Variants in PLXDC2 observed in about 807,000 individuals in gnomAD.
PLXDC2 encodes the protein plexin domain containing 2.
PLXDC2 carries 40 observed loss-of-function variants against 68.9 expected under a neutral mutation model. The ratio of observed to expected loss-of-function variants is 0.58; its 90% CI spans 0.45 to 0.76. The LOEUF is 0.76. Ranked by LOEUF, PLXDC2 falls within the 30% of genes least tolerant of loss-of-function variation. PLXDC2 has a pLI of 0.00. For missense variants in PLXDC2, 644 were observed against 661.9 expected (o/e 0.97, Z 0.30); for synonymous variants, 243 against 234.2 (o/e 1.04, Z -0.34).
chr10:20,164,486 C>A lies in PLXDC2; in HGVS notation c.802C>A (p.Gln268Lys). 1 of 1,613,306 alleles carries A rather than the reference C, an allele frequency of 6.2e-7. No individual in the cohort carries two copies. The highest frequency in any genetic ancestry group is 1.3e-5 in the African/African-American group (1 of 75,000). The change falls in exon 7 of 14, where the codon CAG (glutamine) becomes AAG (lysine). Residue 268 changes from glutamine to lysine, a missense_variant. By Grantham distance (53) the Gln-to-Lys change is moderately conservative (BLOSUM62 1). Transcript: ENST00000377252. ...GYKEIPVLVT[Q>K]ISSTNHPVKV... ...TTTCCAGATTCCTGTCTTGGTCACA[C>A]AGATAAGTTCAACCAATCATCCAGT...
intron 13 of PLXDC2, among the ~76,000 whole-genome samples, chr10:20,247,414 C>G (rs1835613574): frequency 6.6e-6 from 1 of 151,902 alleles, no homozygotes; most frequent in African/African-American, 2.4e-5. Flanking sequence ...GAAATCAAAG[C>G]TGCAGGGAAC....
chr10:20,146,215 G>A (rs1487156377), intron 5 of PLXDC2, among the ~76,000 whole-genome samples: 4 of 152,068 alleles, frequency 2.6e-5, no homozygotes, highest in African/African-American at 9.7e-5. Context: ...AGACATGTGT[G>A]AAGGAAAAAG....
intron 13 of PLXDC2, among the ~76,000 whole-genome samples, chr10:20,263,364 G>A (rs1472945434): frequency 1.3e-5 from 2 of 152,088 alleles, no homozygotes; most frequent in African/African-American, 2.4e-5. Flanking sequence ...TACTCAAGAT[G>A]GAGTAAAGAC....
chr10:20,008,892 C>T (rs1040847069), intron 2 of PLXDC2, among the ~76,000 whole-genome samples: 1 of 152,198 alleles, frequency 6.6e-6, no homozygotes, highest in African/African-American at 2.4e-5. Context: ...GCTCCTCCTT[C>T]ACCTTCTGCC....
chr10:19,905,181 A>G (rs1263490830), intron 1 of PLXDC2, among the ~76,000 whole-genome samples: 2 of 152,206 alleles, frequency 1.3e-5, no homozygotes, highest in Non-Finnish European at 2.9e-5. Context: ...AGATGAGCAC[A>G]GTTTACTTTT....
At chr10:20,198,688 G>A (rs1834875227) in intron 9 of PLXDC2, among the ~76,000 whole-genome samples, 1 of 152,140 alleles carries the variant, frequency 6.6e-6, no homozygotes, top group African/African-American at 2.4e-5. Context: ...TATCTCTGAT[G>A]AGGGTTATTA....
At chr10:20,130,746 G>A (rs985273106) in intron 4 of PLXDC2, among the ~76,000 whole-genome samples, 6 of 152,040 alleles carry the variant, frequency 3.9e-5, no homozygotes, top group Non-Finnish European at 8.8e-5. Flanking sequence ...ATATCGAGAT[G>A]ATCATATAAT....
At chr10:20,223,520 C>A (rs1194323345) in intron 12 of PLXDC2, among the ~76,000 whole-genome samples, 1 of 151,944 alleles carries the variant, frequency 6.6e-6, no homozygotes, top group East Asian at 1.9e-4. Context: ...ACCATGTTGG[C>A]CAGGCTGGTC....
At chr10:20,127,909 G>T (rs964476537) in intron 4 of PLXDC2, among the ~76,000 whole-genome samples, 4 of 152,166 alleles carry the variant, frequency 2.6e-5, no homozygotes, top group Non-Finnish European at 5.9e-5. Context: ...GCAGAATAAT[G>T]CATGAGCTTC....
intron 9 of PLXDC2, among the ~76,000 whole-genome samples, chr10:20,200,800 G>A (rs1834906851): frequency 6.6e-6 from 1 of 151,982 alleles, no homozygotes; most frequent in Non-Finnish European, 1.5e-5. Flanking sequence ...AATCATCAAG[G>A]AAATGCAAAT....
chr10:19,983,660 C>T (rs1834590566), intron 1 of PLXDC2, among the ~76,000 whole-genome samples: 3 of 152,140 alleles, frequency 2.0e-5, no homozygotes, highest in Admixed American at 1.3e-4. Context: ...TATCTGGGTT[C>T]TTCTTTTGTT....
At chr10:19,883,595 C>T (rs1478666221) in intron 1 of PLXDC2, among the ~76,000 whole-genome samples, 1 of 151,986 alleles carries the variant, frequency 6.6e-6, no homozygotes, top group Non-Finnish European at 1.5e-5. Context: ...ACTTACGTCC[C>T]CTTTTCTTTT....
rs558556311 is a variant in PLXDC2 at position 20,213,147 on chromosome 10, T to A, written c.1122+1418T>A. 2.8e-4 allele frequency among the ~76,000 whole-genome samples: 43 copies of A among 152,174 alleles called. 1 individual carries two copies. In the South Asian group the frequency reaches 7.9e-3, roughly 28 times the overall value. On this transcript the variant is annotated intron_variant, in intron 10 of 13. Transcript: ENST00000377252. ...ATTTTCCTACCAAATTCCATCTAGGTGTTATTTTTGTGTATTTTTTTCTGA... is the reference window on the plus strand; with the variant it reads ...ATTTTCCTACCAAATTCCATCTAGGAGTTATTTTTGTGTATTTTTTTCTGA...
At chr10:20,202,044 C>T (rs571387109) in intron 9 of PLXDC2, among the ~76,000 whole-genome samples, 23 of 152,118 alleles carry the variant, frequency 1.5e-4, no homozygotes, top group Middle Eastern at 3.4e-3. Context: ...ATTTAGAGTT[C>T]GAATTATTTA....
intron 4 of PLXDC2, among the ~76,000 whole-genome samples, chr10:20,082,037 C>G (rs1254087834): frequency 6.2e-5 from 6 of 96,286 alleles, no homozygotes; most frequent in Non-Finnish European, 1.1e-4. Context: ...AAGAGTGAAA[C>G]TCCATCTGAA....
At chr10:20,101,755 TAG>T (rs1218275523) in intron 4 of PLXDC2, among the ~76,000 whole-genome samples, 2 of 151,832 alleles carry the variant, frequency 1.3e-5, no homozygotes, top group Non-Finnish European at 2.9e-5. Flanking sequence ...TCTCTTCTTC[TAG>T]AGTCTATTAA....
At chr10:19,827,465 A>G (rs1344298994) in intron 1 of PLXDC2, among the ~76,000 whole-genome samples, 1 of 152,144 alleles carries the variant, frequency 6.6e-6, no homozygotes, top group Non-Finnish European at 1.5e-5. Flanking sequence ...AAATAATTCA[A>G]TTTCTAAACA....
chr10:20,187,718 TA>T (rs1834705266), intron 9 of PLXDC2, among the ~76,000 whole-genome samples: 1 of 151,900 alleles, frequency 6.6e-6, no homozygotes, highest in Non-Finnish European at 1.5e-5. Flanking sequence ...TTAAGAAATG[TA>T]AAATAGTCAT....
rs372913451 is a variant in PLXDC2, at chr10:20,236,383, T to G, written c.1313-8962T>G. 1.2e-4 allele frequency among the ~76,000 whole-genome samples: 18 copies of G among 151,334 alleles called. No individual in the cohort carries two copies. In the East Asian group the frequency reaches 2.3e-3, roughly 20 times the overall value. ...TCGCTTGAACCCAGGAGGTGGAGGT[T>G]GCAGTGAGCCGAGATCACACCACTG... is the stretch of plus-strand genomic sequence containing the variant. On this transcript the variant is annotated intron_variant, in intron 12 of 13. Coordinates refer to ENST00000377252, the MANE Select transcript of PLXDC2 (RefSeq NM_032812.9).
Sources: allele counts gnomAD v4.1 joint callset (sites outside exome capture counted in the v4.1 genomes callset), GRCh38; gene constraint gnomAD v4.1.1; transcripts MANE v1.5; gene names NCBI Gene and HGNC (gene_info 2026-07-23, HGNC 2026-07-21).